The following PTK2 variants were observed in gnomAD, a reference collection of about 807,000 sequenced individuals.
The protein encoded by PTK2 is protein tyrosine kinase 2, also known as focal adhesion kinase 1.
A neutral mutation model predicts 150.1 loss-of-function variants in PTK2; 45 were observed. The observed-to-expected ratio is 0.30, with a 90% CI of 0.24 to 0.38. PTK2 has a LOEUF of 0.38. Among genes scored for constraint, PTK2 ranks in the 10% least tolerant of loss-of-function variants. The probability of loss-of-function intolerance (pLI) is 1.00; values close to 1 mark genes in which losing one functional copy is unlikely to be tolerated. For synonymous variants in PTK2, 432 were observed against 449.2 expected, an observed-to-expected ratio of 0.96 and a Z score of 0.48; for missense variants, 919 against 1,307.3, an observed-to-expected ratio of 0.70 and a Z score of 4.58.
chr8:140,945,862 C>T (rs2100177522), intron 1 of PTK2, among the ~76,000 whole-genome samples: 1 of 152,188 alleles, frequency 6.6e-6, no homozygotes, highest in Non-Finnish European at 1.5e-5. Flanking sequence ...AATGCTCTTC[C>T]TCAACTCTAG....
chr8:140,983,689 G>A (rs1318802325), intron 1 of PTK2, among the ~76,000 whole-genome samples: 1 of 148,020 alleles, frequency 6.8e-6, no homozygotes, highest in Non-Finnish European at 1.5e-5. Context: ...AAGGAAGGAA[G>A]GAAAGGAGGA....
chr8:140,681,771 C>T (rs568936959), intron 27 of PTK2, among the ~76,000 whole-genome samples: 11 of 151,936 alleles, frequency 7.2e-5, no homozygotes, highest in Admixed American at 2.0e-4. Flanking sequence ...AGCGAGACTC[C>T]GTCTCAAAAA....
chr8:140,931,191 A>G (rs1603354510), intron 1 of PTK2, among the ~76,000 whole-genome samples: 1 of 152,096 alleles, frequency 6.6e-6, no homozygotes, highest in East Asian at 1.9e-4. Flanking sequence ...TCTTTCCATC[A>G]CATTCTCTCT....
intron 26 of PTK2, among the ~76,000 whole-genome samples, chr8:140,696,152 C>CGATG (rs1258394638): frequency 6.6e-6 from 1 of 152,072 alleles, no homozygotes; most frequent in Non-Finnish European, 1.5e-5. Context: ...ACAAACGGTA[C>CGATG]GATGGGAGCT....
chr8:140,939,795 C>T (rs2100175011), intron 1 of PTK2, among the ~76,000 whole-genome samples: 1 of 152,158 alleles, frequency 6.6e-6, no homozygotes, highest in African/African-American at 2.4e-5. Flanking sequence ...GATATTTGTC[C>T]TGCTCTGGCA....
intron 27 of PTK2, among the ~76,000 whole-genome samples, chr8:140,683,270 T>C (rs1050528676): frequency 2.6e-5 from 4 of 152,200 alleles, no homozygotes; most frequent in Admixed American, 2.0e-4. Flanking sequence ...GATGAATTCC[T>C]GGACACATAC....
chr8:140,942,643 T>C (rs1173463191), intron 1 of PTK2, among the ~76,000 whole-genome samples: 5 of 151,646 alleles, frequency 3.3e-5, no homozygotes, highest in Non-Finnish European at 7.4e-5. Flanking sequence ...TGTGTGTGTG[T>C]GTGCGCGCAT....
At chr8:140,700,466 C>T (rs557139430) in intron 26 of PTK2, among the ~76,000 whole-genome samples, 1 of 151,904 alleles carries the variant, frequency 6.6e-6, no homozygotes, top group East Asian at 1.9e-4. Context: ...ACCACCACAT[C>T]CAGCCATATT....
chr8:140,661,867 C>T (rs1404442271), intron 31 of PTK2, among the ~76,000 whole-genome samples: 1 of 152,192 alleles, frequency 6.6e-6, no homozygotes, highest in Admixed American at 6.5e-5. Context: ...TGAGCTGGCG[C>T]TGAGTGCAGC....
chr8:140,764,497 C>G (rs1209593492), intron 14 of PTK2: 1 of 547,384 alleles, frequency 1.8e-6, no homozygotes, highest in Non-Finnish European at 3.2e-6. Flanking sequence ...AATACACAGA[C>G]TTGTTTATCG....
intron 1 of PTK2, among the ~76,000 whole-genome samples, chr8:140,939,522 A>G (rs2100174932): frequency 6.6e-6 from 1 of 152,324 alleles, no homozygotes; most frequent in Non-Finnish European, 1.5e-5. Flanking sequence ...ACAGGCCCAG[A>G]ATAAAATTAT....
At chr8:140,891,976 C>T (rs1308888412) in intron 2 of PTK2, among the ~76,000 whole-genome samples, 1 of 152,060 alleles carries the variant, frequency 6.6e-6, no homozygotes. Flanking sequence ...AAGGCTGAGG[C>T]GGGAAGACTG....
intron 1 of PTK2, among the ~76,000 whole-genome samples, chr8:140,949,487 C>A (rs752093071): frequency 6.6e-6 from 1 of 152,228 alleles, no homozygotes; most frequent in East Asian, 1.9e-4. Context: ...GGGAAGCCCC[C>A]CCGCCCTCAC....
chr8:140,928,665 C>T (rs2100170590), intron 1 of PTK2, among the ~76,000 whole-genome samples: 1 of 152,136 alleles, frequency 6.6e-6, no homozygotes, highest in Non-Finnish European at 1.5e-5. Flanking sequence ...GGACATTATG[C>T]TAAGTGAAAT....
chr8:140,675,640 T>C lies in PTK2; in HGVS notation c.2563-141A>G. ...AAAATGAACAAAACAGGGTTCTGCA[T>C]AAGGTCTCAGTTGGGGTGGGGGATC... On this transcript the variant is annotated intron_variant, in intron 27 of 31. Transcript: ENST00000522684. 4 of 645,642 alleles carry C rather than the reference T, an allele frequency of 6.2e-6. No individual in the cohort carries two copies. The South Asian group carries it at 7.8e-5, about 13-fold the overall frequency. 40.0% of individuals were successfully genotyped at this position (645,642 alleles called of 1,614,324 possible).
intron 30 of PTK2, among the ~76,000 whole-genome samples, chr8:140,665,284 T>TC (rs1211275353): frequency 6.6e-6 from 1 of 151,960 alleles, no homozygotes; most frequent in African/African-American, 2.4e-5. Flanking sequence ...TTTTTTTTTT[T>TC]CTCATCTACT....
intron 1 of PTK2, among the ~76,000 whole-genome samples, chr8:141,000,728 C>T (rs1371407172): frequency 4.9e-5 from 7 of 143,292 alleles, no homozygotes; most frequent in Non-Finnish European, 4.6e-5. Context: ...GCCTTTCTGT[C>T]TTCCCCGAAC....
intron 14 of PTK2, among the ~76,000 whole-genome samples, chr8:140,786,394 G>T (rs370880207): frequency 1.2e-4 from 18 of 152,258 alleles, no homozygotes; most frequent in East Asian, 1.2e-3. Context: ...AGGTTGGCAG[G>T]TAAGAAATAA....
At chr8:140,714,446 A>T (rs961364563) in intron 23 of PTK2, among the ~76,000 whole-genome samples, 55 of 151,716 alleles carry the variant, frequency 3.6e-4, no homozygotes, top group African/African-American at 1.3e-3. Flanking sequence ...GTAAGACCCC[A>T]TCTTTATTTA....
Sources: gnomAD v4.1 joint callset for allele counts (sites outside exome capture counted in the v4.1 genomes callset) on GRCh38, gnomAD v4.1.1 for gene constraint, MANE v1.5 for transcripts, NCBI Gene and HGNC (gene_info 2026-07-23, HGNC 2026-07-21) for gene names.